Variants in XPOT observed in about 807,000 individuals in gnomAD.
The protein encoded by XPOT is exportin-T.
A neutral mutation model predicts 128.2 loss-of-function variants in XPOT; 34 were observed. That is an observed-to-expected ratio of 0.27 (90% CI 0.20 to 0.35). The LOEUF is 0.35. Ranked by LOEUF, XPOT falls within the 10% of genes least tolerant of loss-of-function variation. The pLI, the probability that XPOT is intolerant of heterozygous loss-of-function variation, is 1.00. For missense variants in XPOT, 838 were observed against 1,125.3 expected, an observed-to-expected ratio of 0.74 and a Z score of 3.65; for synonymous variants, 348 against 394.3, an observed-to-expected ratio of 0.88 and a Z score of 1.39.
chr12:64,428,494 G>T (rs369937831), intron 16 of XPOT, among the ~76,000 whole-genome samples: 6 of 151,926 alleles, frequency 3.9e-5, no homozygotes, highest in African/African-American at 1.2e-4. Flanking sequence ...TCCTATAATT[G>T]TATTAGCCAT....
chr12:64,434,460 C>A, intron 19 of XPOT, 47 bp from the exon 20 acceptor site: 1 of 1,343,698 alleles, frequency 7.4e-7, no homozygotes, highest in South Asian at 1.2e-5. Context: ...AGGTTGCTTT[C>A]CTAGTTAATT....
intron 2 of XPOT, among the ~76,000 whole-genome samples, chr12:64,411,806 A>T (rs916764754): frequency 1.3e-5 from 2 of 152,200 alleles, no homozygotes; most frequent in African/African-American, 4.8e-5. Flanking sequence ...ATGGGCAATA[A>T]AAGTTGAACT....
At chr12:64,427,955 A>T (rs1160589645) in intron 15 of XPOT, 96 bp from the exon 16 acceptor site, 2 of 795,434 alleles carry the variant, frequency 2.5e-6, no homozygotes, top group East Asian at 2.6e-5. Context: ...CCTACAACTG[A>T]ACTTTTTTTT....
chr12:64,417,793 C>T (rs1373784855), intron 4 of XPOT, among the ~76,000 whole-genome samples: 3 of 152,250 alleles, frequency 2.0e-5, no homozygotes, highest in East Asian at 1.9e-4. Context: ...CATTTTCATT[C>T]GAAAAATTGT....
Position 64,439,260 on chromosome 12 carries a change from A to G in XPOT, c.2750A>G (p.Gln917Arg). The change falls in exon 23 of 25, where the codon CAG becomes CGG. Residue 917 changes from glutamine (Q) to arginine (R), a missense_variant. By Grantham distance (43) the Gln-to-Arg change is conservative (BLOSUM62 1). Around this residue, in one of 3 missense-constraint regions of XPOT, gnomAD observed 56 missense variants for 79.2 expected, o/e 0.71. Coordinates refer to ENST00000332707, the MANE Select transcript of XPOT (RefSeq NM_007235.6). The part of the protein sequence containing the change: ...IHLKRGPECV[Q>R]YLQQEYLPSL... ...AATCTTCAGGGCCCAGAATGTGTTC[A>G]GTATCTTCAACAAGAATACCTGCCC... 1.9e-6 allele frequency: 3 copies of G among 1,614,092 alleles called. No homozygotes were observed. The highest frequency in any genetic ancestry group is 2.2e-5 in the South Asian group (2 of 91,080).
intron 15 of XPOT, 24 bp downstream of exon 15, chr12:64,425,933 A>G: frequency 1.3e-6 from 2 of 1,592,858 alleles, no homozygotes; most frequent in Non-Finnish European, 1.7e-6. Flanking sequence ...TGCAGCTATT[A>G]TGTTTAGTTA....
At chr12:64,416,068 T>C (rs1489094614) in intron 3 of XPOT, among the ~76,000 whole-genome samples, 2 of 152,254 alleles carry the variant, frequency 1.3e-5, no homozygotes, top group Non-Finnish European at 2.9e-5. Flanking sequence ...TGTCAGTGTT[T>C]ATAGCTGGCT....
At chr12:64,419,210 A>G in intron 6 of XPOT, 116 bp downstream of exon 6, 1 of 749,112 alleles carries the variant, frequency 1.3e-6, no homozygotes, top group Non-Finnish European at 2.0e-6. Context: ...CTTAAGTTAT[A>G]TAATTATAAA....
chr12:64,437,716 C>A (rs2040294101), intron 22 of XPOT, among the ~76,000 whole-genome samples: 1 of 152,134 alleles, frequency 6.6e-6, no homozygotes, highest in African/African-American at 2.4e-5. Flanking sequence ...ATTTTGGAGT[C>A]CTCAGTGTAA....
Position 64,448,257 on chromosome 12 carries a change from T to C in XPOT, c.*126T>C, listed in dbSNP as rs941663722. 14 of 1,000,440 alleles carry C rather than the reference T, an allele frequency of 1.4e-5. No homozygotes were observed. The highest frequency in any genetic ancestry group is 2.0e-5 in the Non-Finnish European group (13 of 646,216). 62.0% of individuals were successfully genotyped at this position (1,000,440 alleles called of 1,614,324 possible). A position where few individuals can be genotyped will look rare whatever the true frequency, so the allele number is the denominator to read the frequency against. ...TTTGAGCTTATTGCAGTATATGTTT[T>C]GGGATTTTTCTGTAAAATGGGTGTA... On this transcript the variant is annotated 3_prime_UTR_variant, in exon 25 of 25. Coordinates refer to ENST00000332707, the MANE Select transcript of XPOT (RefSeq NM_007235.6).
At position 64,449,460 on chromosome 12, in the gene XPOT, A is replaced by G. The variant is rs1477592408; in HGVS notation, c.*1329A>G. 2.0e-5 allele frequency: 3 copies of G among 152,224 alleles called. No individual in the cohort carries two copies. Among genetic ancestry groups the G allele is most frequent in the Non-Finnish European group, 2.9e-5 (2 of 68,032 alleles). The allele number at this position is 152,224 out of a possible 1,614,324, so 9.4% of individuals were successfully genotyped here. A position where few individuals can be genotyped will look rare whatever the true frequency, so the allele number is the denominator to read the frequency against. ...GACAAAACTGAGCAGCAGAATTCGT[A>G]TAGACATTTACGTTTAAATTCTAAA... On this transcript the variant is annotated 3_prime_UTR_variant, in exon 25 of 25. Coordinates refer to ENST00000332707, the MANE Select transcript of XPOT (RefSeq NM_007235.6).
chr12:64,448,039 C>T, intron 24 of XPOT, 66 bp from the exon 25 acceptor site: 1 of 1,416,748 alleles, frequency 7.1e-7, no homozygotes, highest in Non-Finnish European at 1.0e-6. Context: ...ATACTTGGAG[C>T]CATTCTTCAG....
At position 64,421,318 on chromosome 12, in the gene XPOT, A is replaced by C; in HGVS notation, c.927A>C (p.Leu309Phe). The change falls in exon 9 of 25, where the codon TTA becomes TTC. Residue 309 changes from leucine (L) to phenylalanine (F), a missense_variant. By Grantham distance (22) the Leu-to-Phe change is conservative. This residue lies in a region of XPOT where 761 missense variants were observed against 988.3 expected (regional missense o/e 0.77). Transcript: ENST00000332707. The part of the protein sequence containing the change: ...GQSLIVSWSK[L>F]IKNGDIKNAQ... ...CATTGATAGTTAGTTGGAGTAAATT[A>C]ATTAAGAATGGGGATATTAAGAATG... 1 of 1,614,078 alleles carries C rather than the reference A, an allele frequency of 6.2e-7. No homozygotes were observed. Among genetic ancestry groups the C allele is most frequent in the Non-Finnish European group, 8.5e-7 (1 of 1,179,976 alleles).
chr12:64,430,015 A>G (rs758260877), intron 16 of XPOT, 34 bp from the exon 17 acceptor site: 2 of 1,516,290 alleles, frequency 1.3e-6, no homozygotes, highest in Admixed American at 4.7e-5. Context: ...AACTCAAAAA[A>G]TAAAAGCTTT....
intron 1 of XPOT, among the ~76,000 whole-genome samples, chr12:64,407,523 G>A (rs1447806212): frequency 6.6e-6 from 1 of 151,700 alleles, no homozygotes; most frequent in East Asian, 1.9e-4. Context: ...AAACTAGTAA[G>A]CTGGCAGTGA....
At position 64,416,713 on chromosome 12, in the gene XPOT, G is replaced by T. The variant is rs1279525909; in HGVS notation, c.159G>T (p.Lys53Asn). ...TCTTTTTCAGTGATGATCATGTGAAGTTTTTCTGCTTTCAAGTACTGGAAC... is the reference window on the plus strand; with the variant it reads ...TCTTTTTCAGTGATGATCATGTGAATTTTTTCTGCTTTCAAGTACTGGAAC... ...AQRTYSDDHV[K>N]FFCFQVLEHQ... The change falls in exon 4 of 25, where the codon AAG becomes AAT. Residue 53 changes from lysine to asparagine, a missense_variant. Coordinates refer to ENST00000332707, the MANE Select transcript of XPOT (RefSeq NM_007235.6). 2 of 1,613,092 alleles carry T rather than the reference G, an allele frequency of 1.2e-6. No homozygotes were observed. The highest frequency in any genetic ancestry group is 1.7e-6 in the Non-Finnish European group (2 of 1,179,532).
intron 15 of XPOT, 89 bp downstream of exon 15, chr12:64,425,998 A>G: frequency 8.1e-7 from 1 of 1,239,364 alleles, no homozygotes; most frequent in Non-Finnish European, 1.2e-6. Context: ...GAATCAACCT[A>G]GGTGCCCATC....
At chr12:64,418,247 T>TA (rs1167379281) in intron 5 of XPOT, 132 bp downstream of exon 5, 8 of 693,298 alleles carry the variant, frequency 1.2e-5, no homozygotes, top group Non-Finnish European at 1.9e-5. Flanking sequence ...TTTTAAAAGG[T>TA]GCTGGTTTTA....
intron 23 of XPOT, among the ~76,000 whole-genome samples, chr12:64,440,672 T>C (rs2136037347): frequency 1.3e-5 from 2 of 152,354 alleles, no homozygotes; most frequent in Middle Eastern, 6.8e-3. Context: ...TGTGAGGTGA[T>C]ATCTCATTGT....
Sources: gnomAD v4.1 joint callset for allele counts (sites outside exome capture counted in the v4.1 genomes callset) on GRCh38, gnomAD v4.1.1 for gene constraint, gnomAD v4.1.1 regional missense constraint, MANE v1.5 for transcripts, NCBI Gene and HGNC (gene_info 2026-07-23, HGNC 2026-07-21) for gene names.